ATP6V1H: variants seen among roughly 807,000 people sequenced by gnomAD.
The protein encoded by ATP6V1H is ATPase H+ transporting V1 subunit H, also known as V-type proton ATPase subunit H.
In ATP6V1H, 39 loss-of-function variants were observed where a neutral mutation model predicts 71.7. The observed-to-expected ratio is 0.54, with a 90% CI of 0.42 to 0.71. The LOEUF is 0.71. Ranked by LOEUF, ATP6V1H falls within the 30% of genes least tolerant of loss-of-function variation. ATP6V1H has a pLI of 0.00. For missense variants in ATP6V1H, 509 were observed against 594.9 expected, an observed-to-expected ratio of 0.86 and a Z score of 1.50; for synonymous variants, 192 against 199.3, an observed-to-expected ratio of 0.96 and a Z score of 0.31.
chr8:53,807,923 TGGACA>T (rs1810141404), intron 7 of ATP6V1H, among the ~76,000 whole-genome samples: 1 of 152,236 alleles, frequency 6.6e-6, no homozygotes, highest in South Asian at 2.1e-4. Context: ...GCTGCCACAA[TGGACA>T]GTACAGCTAT....
At chr8:53,751,751 C>A (rs1281171428) in intron 12 of ATP6V1H, among the ~76,000 whole-genome samples, 1 of 151,694 alleles carries the variant, frequency 6.6e-6, no homozygotes, top group Non-Finnish European at 1.5e-5. Context: ...CTCACTGCAA[C>A]CTCCGCCTCC....
chr8:53,762,391 A>T (rs908531307), intron 11 of ATP6V1H, among the ~76,000 whole-genome samples: 15 of 152,332 alleles, frequency 9.8e-5, no homozygotes, highest in African/African-American at 3.6e-4. Context: ...CCTCCTTCCA[A>T]ATTAAAATAA....
chr8:53,824,718 G>C (rs962100459), intron 4 of ATP6V1H, among the ~76,000 whole-genome samples: 2 of 151,996 alleles, frequency 1.3e-5, no homozygotes, highest in African/African-American at 4.8e-5. Context: ...ACTAAGAATT[G>C]ACAAGTTCTT....
chr8:53,803,711 T>C (rs1563474124), intron 7 of ATP6V1H, among the ~76,000 whole-genome samples: 1 of 152,140 alleles, frequency 6.6e-6, no homozygotes, highest in Non-Finnish European at 1.5e-5. Context: ...CTCGAAACAT[T>C]AGCAAAAATT....
chr8:53,723,991 T>C lies in ATP6V1H; in HGVS notation c.1392-7967A>G, dbSNP rs145847711. Among the ~76,000 whole-genome samples the C allele has an allele frequency of 6.5e-3, 997 of 152,364 alleles. 18 individuals are homozygous for C. The highest frequency in any genetic ancestry group is 6.0e-3 in the Non-Finnish European group (407 of 68,036). On this transcript the variant is annotated intron_variant, in intron 13 of 13. Coordinates refer to ENST00000359530, the MANE Select transcript of ATP6V1H (RefSeq NM_015941.4). ...AGTTTTTAAATTAAATTAAATTTCA[T>C]TTAAATGCAATCTACAATTTACTAT...
rs78084817 is a variant in ATP6V1H, at chr8:53,720,207, A to G, written c.1392-4183T>C. On this transcript the variant is annotated intron_variant, in intron 13 of 13. Transcript: ENST00000359530. ...TAAGATGCAAAATTTGTGAGGTGCA[A>G]TATTTTTCTTCTCTTTAACTTCATC... Among the ~76,000 whole-genome samples the G allele has an allele frequency of 9.2e-5, 14 of 152,268 alleles. No individual in the cohort carries two copies. In the East Asian group the frequency reaches 9.6e-4, roughly 10 times the overall value.
chr8:53,812,373 T>C (rs998620685), intron 6 of ATP6V1H, among the ~76,000 whole-genome samples: 3 of 152,228 alleles, frequency 2.0e-5, no homozygotes, highest in African/African-American at 7.2e-5. Flanking sequence ...CATTTATCTA[T>C]AAAAAGTTCA....
intron 12 of ATP6V1H, among the ~76,000 whole-genome samples, chr8:53,749,730 T>C (rs917786811): frequency 1.4e-5 from 2 of 147,750 alleles, no homozygotes; most frequent in Non-Finnish European, 3.0e-5. Context: ...GTGGTTTAGA[T>C]GCCAGACTCC....
At chr8:53,785,222 A>C (rs952513806) in intron 9 of ATP6V1H, among the ~76,000 whole-genome samples, 1 of 152,098 alleles carries the variant, frequency 6.6e-6, no homozygotes, top group Non-Finnish European at 1.5e-5. Flanking sequence ...TATTTCTTGG[A>C]GGCTTTGTTC....
At chr8:53,720,154 G>A (rs574214718) in intron 13 of ATP6V1H, among the ~76,000 whole-genome samples, 1 of 152,274 alleles carries the variant, frequency 6.6e-6, no homozygotes, top group South Asian at 2.1e-4. Context: ...CTATAGGAAT[G>A]TGACATTAAA....
intron 12 of ATP6V1H, among the ~76,000 whole-genome samples, chr8:53,750,034 T>C (rs1324456684): frequency 6.6e-6 from 1 of 152,222 alleles, no homozygotes; most frequent in Non-Finnish European, 1.5e-5. Context: ...GTAAGATTAA[T>C]GCTAAATTGT....
intron 9 of ATP6V1H, among the ~76,000 whole-genome samples, chr8:53,778,066 G>A (rs1385713010): frequency 6.6e-6 from 1 of 152,152 alleles, no homozygotes; most frequent in Non-Finnish European, 1.5e-5. Context: ...AAGACTACAA[G>A]TGCTTACATT....
intron 11 of ATP6V1H, among the ~76,000 whole-genome samples, chr8:53,761,015 C>A (rs1808253282): frequency 6.6e-6 from 1 of 152,080 alleles, no homozygotes; most frequent in South Asian, 2.1e-4. Flanking sequence ...TTTCAAATTT[C>A]TCATCATCAT....
rs1343314663 is a variant in ATP6V1H, at chr8:53,752,434, A to T, written c.1277+4121T>A. 2.0e-5 allele frequency among the ~76,000 whole-genome samples: 3 copies of T among 152,158 alleles called. No individual in the cohort carries two copies. In the East Asian group the frequency reaches 5.8e-4, roughly 29 times the overall value. ...TCCGCATATAACCTGAATATCCCAA[A>T]CTCTCTGGCCAAGCTTCTAACTCTT... On this transcript the variant is annotated intron_variant, in intron 12 of 13. Transcript: ENST00000359530.
At chr8:53,770,942 A>T (rs1808631454) in intron 10 of ATP6V1H, among the ~76,000 whole-genome samples, 1 of 152,224 alleles carries the variant, frequency 6.6e-6, no homozygotes, top group African/African-American at 2.4e-5. Context: ...AATAATAAAA[A>T]TCATTTTTCT....
chr8:53,731,843 C>T (rs1034211870), intron 13 of ATP6V1H, among the ~76,000 whole-genome samples: 3 of 152,246 alleles, frequency 2.0e-5, no homozygotes, highest in African/African-American at 7.2e-5. Flanking sequence ...GGGGGGGACT[C>T]CAGCCAGCTT....
intron 9 of ATP6V1H, among the ~76,000 whole-genome samples, chr8:53,790,866 G>A (rs1809543730): frequency 1.3e-5 from 2 of 152,170 alleles, no homozygotes; most frequent in Non-Finnish European, 2.9e-5. Flanking sequence ...CGTCAAGGGG[G>A]CTCCGTATGT....
chr8:53,743,479 A>T, intron 13 of ATP6V1H, 98 bp downstream of exon 13: 1 of 830,460 alleles, frequency 1.2e-6, no homozygotes, highest in Non-Finnish European at 2.0e-6. Context: ...AACTAATTTT[A>T]AAAATGATCA....
At position 53,782,131 on chromosome 8, in the gene ATP6V1H, C is replaced by T. The variant is rs555335048; in HGVS notation, c.871-9964G>A. ...CACTGAATCTATAAATTACCTTGGG[C>T]AGTATGGCCATTTTCACGATATTGA... is the stretch of plus-strand genomic sequence containing the variant. On this transcript the variant is annotated intron_variant, in intron 9 of 13. Transcript: ENST00000359530. Among the ~76,000 whole-genome samples the T allele has an allele frequency of 2.2e-3, 336 of 152,218 alleles. 2 individuals carry two copies. The highest frequency in any genetic ancestry group is 7.8e-3 in the African/African-American group (325 of 41,526).
Sources: gnomAD v4.1 joint callset for allele counts (sites outside exome capture counted in the v4.1 genomes callset) on GRCh38, gnomAD v4.1.1 for gene constraint, MANE v1.5 for transcripts, NCBI Gene and HGNC (gene_info 2026-07-23, HGNC 2026-07-21) for gene names.